Variants in SAMD12 observed in about 807,000 individuals in gnomAD.
SAMD12 encodes the protein sterile alpha motif domain containing 12, also known as sterile alpha motif domain-containing protein 12.
SAMD12 carries 9 observed loss-of-function variants against 15.0 expected under a neutral mutation model. The ratio of observed to expected loss-of-function variants is 0.60; its 90% confidence interval spans 0.36 to 1.05. The LOEUF (loss-of-function observed/expected upper bound fraction) is 1.05. Ranked by LOEUF, SAMD12 falls within the 50% of genes least tolerant of loss-of-function variation. The pLI, the probability that SAMD12 is intolerant of heterozygous loss-of-function variation, is 0.01. For synonymous variants in SAMD12, 86 were observed against 90.1 expected (o/e 0.96, Z 0.25); for missense variants, 230 against 234.2 (o/e 0.98, Z 0.12).
rs938309235 is a variant in SAMD12, at chr8:118,577,185, G to C, written c.192+3530C>G. On this transcript the variant is annotated intron_variant, in intron 2 of 3. Coordinates refer to ENST00000314727, the MANE Select transcript of SAMD12 (RefSeq NM_207506.3). ...TTACAGGTGATCTGGGTACTCTACT[G>C]GTTTCTCTTTGGTCTGTAAGAGCTG... Among the ~76,000 whole-genome samples, 5 of 152,160 alleles carry C rather than the reference G, an allele frequency of 3.3e-5. 1 individual carries two copies. Among genetic ancestry groups the C allele is most frequent in the Non-Finnish European group, 1.5e-5 (1 of 68,002 alleles).
At chr8:118,606,791 G>A (rs888463044) in intron 1 of SAMD12, among the ~76,000 whole-genome samples, 2 of 152,180 alleles carry the variant, frequency 1.3e-5, no homozygotes, top group African/African-American at 4.8e-5. Context: ...GAGCAGGAAG[G>A]AGGCAGGAGA....
intron 2 of SAMD12, among the ~76,000 whole-genome samples, chr8:118,572,518 T>C (rs1827040976): frequency 6.6e-6 from 1 of 152,076 alleles, no homozygotes; most frequent in Non-Finnish European, 1.5e-5. Context: ...AGGGACATAG[T>C]GGGAGGTAAC....
chr8:118,572,914 G>A (rs1199494642), intron 2 of SAMD12, among the ~76,000 whole-genome samples: 1 of 152,132 alleles, frequency 6.6e-6, no homozygotes, highest in Admixed American at 6.5e-5. Flanking sequence ...GAATCATGGG[G>A]GCTGCTTCCC....
intron 2 of SAMD12, among the ~76,000 whole-genome samples, chr8:118,463,243 T>G (rs1176346435): frequency 6.6e-6 from 1 of 151,770 alleles, no homozygotes; most frequent in Non-Finnish European, 1.5e-5. Flanking sequence ...CTTGAACTCG[T>G]TGGGGTGGGG....
chr8:118,292,135 C>A (rs1019155300), intron 4 of SAMD12, among the ~76,000 whole-genome samples: 1 of 150,732 alleles, frequency 6.6e-6, no homozygotes, highest in South Asian at 2.1e-4. Flanking sequence ...TGGGAACTTG[C>A]AGGAAAGGGC....
the SAMD12 span, among the ~76,000 whole-genome samples, chr8:118,134,123 G>T: frequency 6.6e-6 from 1 of 152,242 alleles, no homozygotes; most frequent in Non-Finnish European, 1.5e-5. Context: ...TTGGTGGAGG[G>T]AAAGATGGGA....
At chr8:118,469,806 A>C (rs1176640091) in intron 2 of SAMD12, among the ~76,000 whole-genome samples, 1 of 150,202 alleles carries the variant, frequency 6.7e-6, no homozygotes, top group Non-Finnish European at 1.5e-5. Context: ...CAGGTGATCC[A>C]TCTGCCTCAG....
chr8:118,286,249 T>C (rs1033900967), intron 4 of SAMD12, among the ~76,000 whole-genome samples: 2 of 151,790 alleles, frequency 1.3e-5, no homozygotes, highest in African/African-American at 2.4e-5. Flanking sequence ...CACACCAACA[T>C]GGCACATGTA....
intron 4 of SAMD12, among the ~76,000 whole-genome samples, chr8:118,293,407 C>A (rs1814524798): frequency 6.6e-6 from 1 of 152,040 alleles, no homozygotes; most frequent in South Asian, 2.1e-4. Flanking sequence ...AGAAAAATGT[C>A]TTTTTTTGCC....
chr8:118,208,504 A>G (rs1819930206), intron 4 of SAMD12, among the ~76,000 whole-genome samples: 1 of 152,176 alleles, frequency 6.6e-6, no homozygotes, highest in South Asian at 2.1e-4. Context: ...AAGGAGGAGG[A>G]GTAAGTGCTA....
At chr8:118,136,355 C>G in the SAMD12 span, among the ~76,000 whole-genome samples, 1 of 152,170 alleles carries the variant, frequency 6.6e-6, no homozygotes. Flanking sequence ...TTGATACTTA[C>G]GTCAATTCTC....
At chr8:118,225,634 G>A (rs1239927596) in intron 4 of SAMD12, among the ~76,000 whole-genome samples, 1 of 152,194 alleles carries the variant, frequency 6.6e-6, no homozygotes, top group Non-Finnish European at 1.5e-5. Flanking sequence ...AGCATGTTAA[G>A]CGATTTAGGG....
intron 2 of SAMD12, among the ~76,000 whole-genome samples, chr8:118,527,884 T>C (rs1248615009): frequency 6.6e-6 from 1 of 152,236 alleles, no homozygotes; most frequent in Non-Finnish European, 1.5e-5. Flanking sequence ...TTGATAATTT[T>C]CCTGACACTG....
chr8:118,597,147 T>C (rs898886278), intron 1 of SAMD12, among the ~76,000 whole-genome samples: 4 of 152,084 alleles, frequency 2.6e-5, no homozygotes, highest in Non-Finnish European at 5.9e-5. Context: ...TCCAGATCTG[T>C]AGGAGCCTAC....
intron 4 of SAMD12, among the ~76,000 whole-genome samples, chr8:118,276,653 T>C (rs1813481250): frequency 6.6e-6 from 1 of 152,176 alleles, no homozygotes; most frequent in Non-Finnish European, 1.5e-5. Context: ...TTTTGTAGTA[T>C]TTGTTTCATT....
chr8:118,281,876 T>C (rs752365930), intron 4 of SAMD12, among the ~76,000 whole-genome samples: 1 of 152,228 alleles, frequency 6.6e-6, no homozygotes, highest in Non-Finnish European at 1.5e-5. Context: ...CTCTGGTTCT[T>C]ACCAGTGGGT....
At chr8:118,337,916 T>C (rs936520415) in intron 4 of SAMD12, among the ~76,000 whole-genome samples, 1 of 152,188 alleles carries the variant, frequency 6.6e-6, no homozygotes, top group African/African-American at 2.4e-5. Context: ...TAAGAACAAA[T>C]CTTCTATCCA....
chr8:118,608,893 G>A (rs1488710838), intron 1 of SAMD12, among the ~76,000 whole-genome samples: 5 of 152,100 alleles, frequency 3.3e-5, no homozygotes, highest in African/African-American at 4.8e-5. Context: ...ATGCTCGATA[G>A]GTTATTGGAA....
intron 2 of SAMD12, among the ~76,000 whole-genome samples, chr8:118,530,103 A>C (rs768937428): frequency 6.6e-6 from 1 of 152,096 alleles, no homozygotes; most frequent in African/African-American, 2.4e-5. Context: ...TTGTGGTTTT[A>C]ATTTGCATTT....
Sources: allele counts gnomAD v4.1 joint callset (sites outside exome capture counted in the v4.1 genomes callset), GRCh38; gene constraint gnomAD v4.1.1; transcripts MANE v1.5; gene names NCBI Gene and HGNC (gene_info 2026-07-23, HGNC 2026-07-21).